Variants in VWA3A observed in about 807,000 individuals in gnomAD.
VWA3A encodes von Willebrand factor A domain containing 3A.
Under a neutral mutation model 160.4 loss-of-function variants are expected in VWA3A, and 134 were observed. The observed-to-expected ratio is 0.84, with a 90% CI of 0.73 to 0.96. The LOEUF is 0.96. VWA3A is among the 40% of genes least tolerant of loss of function. The probability of loss-of-function intolerance (pLI) is 0.00; values close to 1 mark genes in which losing one functional copy is unlikely to be tolerated. For missense variants in VWA3A, 1,310 were observed against 1,447.9 expected, an observed-to-expected ratio of 0.90 and a Z score of 1.55; for synonymous variants, 476 against 543.4, an observed-to-expected ratio of 0.88 and a Z score of 1.72.
rs967519868 is a variant in VWA3A, at chr16:22,144,532, A to G, written c.2730+148A>G. ...TGGGACTCCCCTCACCAAATAGGAGATGCAAAATCCTGTTGGAAGAAAAGC... is the reference window on the plus strand; with the variant it reads ...TGGGACTCCCCTCACCAAATAGGAGGTGCAAAATCCTGTTGGAAGAAAAGC... On this transcript the variant is annotated intron_variant, in intron 26 of 33. Transcript: ENST00000389398. The G allele has an allele frequency of 4.1e-6, 5 of 1,228,704 alleles. No individual in the cohort carries two copies. In the African/African-American group the frequency reaches 7.7e-5, roughly 19 times the overall value. 76.1% of individuals were successfully genotyped at this position (1,228,704 alleles called of 1,614,324 possible). A position where few individuals can be genotyped will look rare whatever the true frequency, so the allele number is the denominator to read the frequency against.
At chr16:22,129,388 C>CAAA (rs1193879527) in intron 17 of VWA3A, among the ~76,000 whole-genome samples, 2 of 99,382 alleles carry the variant, frequency 2.0e-5, no homozygotes. Flanking sequence ...GACTCCATCT[C>CAAA]AAAAAAAAAA....
At chr16:22,115,902 GAAGGAAGGAAGGAAGGAAGGA>G (rs1567202954) in intron 9 of VWA3A, among the ~76,000 whole-genome samples, 5 of 37,734 alleles carry the variant, frequency 1.3e-4, no homozygotes, top group Non-Finnish European at 2.0e-4. Context: ...AGGAAGGAAG[GAAGGAAGGAAGGAAGGAAGGA>G]AAGGAAAGGA....
chr16:22,153,892 C>T (rs2046390935), intron 31 of VWA3A, among the ~76,000 whole-genome samples: 2 of 151,964 alleles, frequency 1.3e-5, no homozygotes, highest in African/African-American at 2.4e-5. Context: ...GGTGTGCCAC[C>T]ACGCCCAGCT....
At chr16:22,141,517 AG>A in intron 23 of VWA3A, 64 bp from the exon 24 acceptor site, 1 of 1,475,312 alleles carries the variant, frequency 6.8e-7, no homozygotes, top group Admixed American at 2.0e-5. Flanking sequence ...CTCTAAGCCA[AG>A]CTGGACAGCT....
intron 9 of VWA3A, 70 bp from the exon 10 acceptor site, chr16:22,116,689 C>T (rs555777348): frequency 2.4e-5 from 30 of 1,233,634 alleles, no homozygotes; most frequent in East Asian, 1.2e-4. Context: ...TGGGAATTAC[C>T]GTTTTGCTCT....
intron 23 of VWA3A, 122 bp from the exon 24 acceptor site, chr16:22,141,460 T>C (rs1342384071): frequency 3.3e-6 from 3 of 904,782 alleles, no homozygotes; most frequent in East Asian, 2.6e-5. Context: ...CTTGAAGCCA[T>C]CTTGGAGCCC....
intron 6 of VWA3A, among the ~76,000 whole-genome samples, chr16:22,106,796 G>A (rs999762990): frequency 1.3e-5 from 2 of 152,316 alleles, no homozygotes; most frequent in Non-Finnish European, 2.9e-5. Flanking sequence ...CGCTCTGGGC[G>A]AGAACGATGG....
chr16:22,123,639 G>C lies in VWA3A; in HGVS notation c.1464G>C (p.Met488Ile). 6.2e-7 allele frequency: 1 copy of C among 1,613,982 alleles called. No individual in the cohort carries two copies. Among genetic ancestry groups the C allele is most frequent in the Non-Finnish European group, 8.5e-7 (1 of 1,179,894 alleles). ...YQQQLSRAMR[M>I]YERRIEWLSL... ...AACAGCTCAGCAGAGCTATGCGGATGTATGAGAGGCGGATTGAGTGGCTCT... is the reference window on the plus strand; with the variant it reads ...AACAGCTCAGCAGAGCTATGCGGATCTATGAGAGGCGGATTGAGTGGCTCT... The change falls in exon 16 of 34, where the codon ATG becomes ATC. Residue 488 changes from methionine to isoleucine, a missense_variant. Met to Ile is a conservative substitution (Grantham distance 10). Coordinates refer to ENST00000389398, the MANE Select transcript of VWA3A (RefSeq NM_173615.5).
intron 3 of VWA3A, among the ~76,000 whole-genome samples, chr16:22,099,102 A>C (rs1487654659): frequency 6.7e-6 from 1 of 148,542 alleles, no homozygotes; most frequent in Non-Finnish European, 1.5e-5. Flanking sequence ...TCTCAAAAGA[A>C]AAAAAAAAAA....
intron 17 of VWA3A, among the ~76,000 whole-genome samples, chr16:22,130,640 A>C (rs1018290832): frequency 2.0e-5 from 3 of 152,044 alleles, no homozygotes; most frequent in Non-Finnish European, 4.4e-5. Context: ...ATCTCACTCC[A>C]TTGCCCAGAC....
chr16:22,136,601 C>T (rs1229750676), intron 21 of VWA3A, among the ~76,000 whole-genome samples: 1 of 152,088 alleles, frequency 6.6e-6, no homozygotes, highest in African/African-American at 2.4e-5. Flanking sequence ...ACTTCCCAGA[C>T]TGGATTGTGG....
chr16:22,114,355 C>T (rs1470151007), intron 8 of VWA3A, among the ~76,000 whole-genome samples: 4 of 152,358 alleles, frequency 2.6e-5, no homozygotes, highest in East Asian at 1.9e-4. Context: ...CATAGCCACA[C>T]AGCCATAAAG....
intron 7 of VWA3A, among the ~76,000 whole-genome samples, chr16:22,110,683 A>C (rs1263485009): frequency 1.3e-5 from 2 of 152,206 alleles, no homozygotes; most frequent in African/African-American, 2.4e-5. Context: ...CTGAGATGGC[A>C]GCCCAGATGC....
At chr16:22,125,473 G>A (rs2045829586) in intron 16 of VWA3A, among the ~76,000 whole-genome samples, 1 of 152,058 alleles carries the variant, frequency 6.6e-6, no homozygotes, top group Admixed American at 6.6e-5. Flanking sequence ...ACCCAGGCTA[G>A]AGTGCAGTGG....
Position 22,132,498 on chromosome 16 carries a change from T to C in VWA3A, c.1873-402T>C, listed in dbSNP as rs114953729. 5.4e-3 allele frequency among the ~76,000 whole-genome samples: 826 copies of C among 152,130 alleles called. 6 individuals are homozygous for C. Among genetic ancestry groups the C allele is most frequent in the African/African-American group, 0.019 (783 of 41,508 alleles). On this transcript the variant is annotated intron_variant, in intron 19 of 33. Coordinates refer to ENST00000389398, the MANE Select transcript of VWA3A (RefSeq NM_173615.5). ...AGCAGGTCAAAGCTGCAGCAAGCTA[T>C]GTTTATGACCCTGCACTCCAGCCTA...
chr16:22,143,833 T>C (rs2046198131), intron 25 of VWA3A, among the ~76,000 whole-genome samples: 1 of 151,434 alleles, frequency 6.6e-6, no homozygotes, highest in Admixed American at 6.6e-5. Context: ...CTCCGCCTCC[T>C]GGGTTCAAAC....
intron 11 of VWA3A, 88 bp downstream of exon 11, chr16:22,117,264 A>G (rs1010303496): frequency 4.4e-6 from 6 of 1,363,194 alleles, no homozygotes; most frequent in African/African-American, 1.5e-5. Context: ...CCAGGACCAT[A>G]CTATATACTT....
chr16:22,123,726 G>C lies in VWA3A; in HGVS notation c.1532+19G>C. On this transcript the variant is annotated intron_variant, in intron 16 of 33. Coordinates refer to ENST00000389398, the MANE Select transcript of VWA3A (RefSeq NM_173615.5). ...AAAAAAGGTACCTTTCTTAAGCAGG[G>C]TTCTTATCCTTCATGGGTCTGGTGT... 5.0e-6 allele frequency: 8 copies of C among 1,607,682 alleles called. No individual in the cohort carries two copies. Among genetic ancestry groups the C allele is most frequent in the Non-Finnish European group, 6.8e-6 (8 of 1,175,994 alleles).
intron 8 of VWA3A, among the ~76,000 whole-genome samples, chr16:22,113,337 G>A (rs1033249870): frequency 1.5e-5 from 2 of 131,762 alleles, no homozygotes; most frequent in Non-Finnish European, 3.1e-5. Flanking sequence ...GATTACAGGT[G>A]TGCTCCACAA....
Sources: gnomAD v4.1 joint callset for allele counts (sites outside exome capture counted in the v4.1 genomes callset) on GRCh38, gnomAD v4.1.1 for gene constraint, MANE v1.5 for transcripts, NCBI Gene and HGNC (gene_info 2026-07-23, HGNC 2026-07-21) for gene names.